FBXO34: variants seen among roughly 807,000 people sequenced by gnomAD.
The protein encoded by FBXO34 is F-box only protein 34.
A neutral mutation model predicts 24.5 loss-of-function variants in FBXO34; 12 were observed. The ratio of observed to expected loss-of-function variants is 0.49; its 90% CI spans 0.31 to 0.79. FBXO34 has a LOEUF of 0.79. FBXO34 is among the 30% of genes least tolerant of loss of function. FBXO34 has a pLI of 0.04. For synonymous variants in FBXO34, 320 were observed against 311.9 expected, an observed-to-expected ratio of 1.03 and a Z score of -0.27; for missense variants, 823 against 857.7, an observed-to-expected ratio of 0.96 and a Z score of 0.51.
In FBXO34 at chr14:55,350,433, C is replaced by G. The variant is rs759021088; in HGVS notation, c.43C>G (p.Pro15Ala). The change falls in exon 2 of 2, where the codon CCC becomes GCC. Residue 15 changes from proline to alanine, a missense_variant. Physicochemically the swap from Pro to Ala is conservative, Grantham distance 27 (BLOSUM62 -1). This residue lies in a region of FBXO34 where 693 missense variants were observed against 659.1 expected (regional missense o/e 1.05). Transcript: ENST00000313833. The part of the protein sequence containing the change: ...PYWKLQKKEH[P>A]PEVSRETQRT... ...TTGGAAGCTCCAGAAGAAAGAGCAC[C>G]CCCCGGAAGTCAGCAGGGAAACGCA... is the stretch of plus-strand genomic sequence containing the variant. 1 of 1,601,478 alleles carries G rather than the reference C, an allele frequency of 6.2e-7. No individual in the cohort carries two copies. The highest frequency in any genetic ancestry group is 8.5e-7 in the Non-Finnish European group (1 of 1,175,788).
the FBXO34 span, chr14:55,377,892 C>G: frequency 2.5e-6 from 4 of 1,605,370 alleles, no homozygotes; most frequent in Non-Finnish European, 3.4e-6. Context: ...TGTAATTGAT[C>G]TAAATTTACA....
At chr14:55,340,323 C>T (rs2140069300) in intron 1 of FBXO34, among the ~76,000 whole-genome samples, 2 of 152,216 alleles carry the variant, frequency 1.3e-5, no homozygotes, top group South Asian at 4.2e-4. Context: ...TAGCTCACTG[C>T]AACCTCTAAC....
chr14:55,290,340 C>T (rs950724240), intron 1 of FBXO34, among the ~76,000 whole-genome samples: 2 of 151,066 alleles, frequency 1.3e-5, no homozygotes, highest in Non-Finnish European at 2.9e-5. Flanking sequence ...TGCAGTGAGC[C>T]GAGATCGAGC....
intron 1 of FBXO34, among the ~76,000 whole-genome samples, chr14:55,289,742 C>G (rs1386240773): frequency 6.6e-6 from 1 of 151,986 alleles, no homozygotes; most frequent in Admixed American, 6.6e-5. Context: ...GAGACAGAGT[C>G]TTACTTTGTT....
chr14:55,436,409 TA>T, the FBXO34 span: 1 of 777,656 alleles, frequency 1.3e-6, no homozygotes, highest in Non-Finnish European at 2.0e-6. Flanking sequence ...TCAAACTGTC[TA>T]AAGCCACAAT....
chr14:55,365,081 C>T (rs1235634790), downstream of FBXO34, among the ~76,000 whole-genome samples: 1 of 143,430 alleles, frequency 7.0e-6, no homozygotes, highest in African/African-American at 2.6e-5. Flanking sequence ...AAAAAAAAGC[C>T]AGGTGTGGTG....
chr14:55,339,862 G>T (rs1883931898), intron 1 of FBXO34, among the ~76,000 whole-genome samples: 1 of 152,138 alleles, frequency 6.6e-6, no homozygotes, highest in African/African-American at 2.4e-5. Flanking sequence ...TCTTGGTTCA[G>T]CAGATCTTAG....
At chr14:55,296,948 C>T (rs945467945) in intron 1 of FBXO34, among the ~76,000 whole-genome samples, 1 of 152,096 alleles carries the variant, frequency 6.6e-6, no homozygotes, top group African/African-American at 2.4e-5. Flanking sequence ...TGGTTATCTC[C>T]AGTATATAAA....
Position 55,350,654 on chromosome 14 carries a change from A to G in FBXO34, c.264A>G (p.Lys88=). The change falls in exon 2 of 2, where the codon AAA becomes AAG. Residue 88 remains lysine, a synonymous_variant. Coordinates refer to ENST00000313833, the MANE Select transcript of FBXO34 (RefSeq NM_017943.4). ...PVESSLNVKT[K]KNAPSATIHQ... is the part of the protein sequence containing the mutation. The stretch of plus-strand genomic sequence containing the variant: ...AGAGCAGCTTGAATGTTAAAACCAA[A>G]AAGAATGCACCATCTGCAACGATCC... 1 of 1,613,932 alleles carries G rather than the reference A, an allele frequency of 6.2e-7. No individual in the cohort carries two copies. Among genetic ancestry groups the G allele is most frequent in the Admixed American group, 1.7e-5 (1 of 59,946 alleles).
chr14:55,410,226 T>G, the FBXO34 span, among the ~76,000 whole-genome samples: 2 of 152,202 alleles, frequency 1.3e-5, no homozygotes, highest in Non-Finnish European at 2.9e-5. Context: ...AAAATATTGA[T>G]GTTGAATAAG....
intron 1 of FBXO34, among the ~76,000 whole-genome samples, chr14:55,273,804 G>A (rs1467642538): frequency 6.6e-6 from 1 of 152,122 alleles, no homozygotes; most frequent in Non-Finnish European, 1.5e-5. Flanking sequence ...AGGTGTACTA[G>A]TTTTTTTGTA....
chr14:55,323,160 G>A (rs1264129321), intron 1 of FBXO34, among the ~76,000 whole-genome samples: 2 of 109,998 alleles, frequency 1.8e-5, no homozygotes, highest in East Asian at 5.7e-4. Context: ...ACTCCAGCCT[G>A]GGCGACAGAG....
At chr14:55,411,996 A>C in the FBXO34 span, 2 of 624,056 alleles carry the variant, frequency 3.2e-6, no homozygotes, top group Non-Finnish European at 5.6e-6. Flanking sequence ...GCTGAGGGGC[A>C]ACAGGTCCCG....
downstream of FBXO34, among the ~76,000 whole-genome samples, chr14:55,371,814 C>A (rs1255322834): frequency 1.6e-4 from 24 of 150,452 alleles, 1 homozygote; most frequent in East Asian, 4.1e-3. Context: ...AAAAAACAAA[C>A]AAAAAAACAA....
rs967843510 is a variant in FBXO34 at position 55,284,622 on chromosome 14, T to TC, written c.-11+13085_-11+13086insC. On this transcript the variant is annotated intron_variant, in intron 1 of 1. Coordinates refer to ENST00000313833, the MANE Select transcript of FBXO34 (RefSeq NM_017943.4). The stretch of plus-strand genomic sequence containing the variant: ...TTGTGGTTACCTAAAATTTTGTTAC[T>TC]TTTTTTTTTTTTTTTTGAAACAGGG... Among the ~76,000 whole-genome samples, 9 of 47,366 alleles carry TC rather than the reference T, an allele frequency of 1.9e-4. 2 individuals are homozygous for TC. Among genetic ancestry groups the TC allele is most frequent in the Non-Finnish European group, 3.1e-4 (8 of 25,404 alleles). The allele number at this position is 47,366 out of a possible 152,430, so 31.1% of individuals were successfully genotyped here. A position where few individuals can be genotyped will look rare whatever the true frequency, so the allele number is the denominator to read the frequency against.
the FBXO34 span, among the ~76,000 whole-genome samples, chr14:55,415,555 CAATG>C: frequency 6.6e-6 from 1 of 152,188 alleles, no homozygotes; most frequent in Non-Finnish European, 1.5e-5. Flanking sequence ...AAATGCCCGT[CAATG>C]GATGGATAAC....
chr14:55,410,458 C>T, the FBXO34 span, among the ~76,000 whole-genome samples: 771 of 152,302 alleles, frequency 5.1e-3, 5 homozygotes, highest in Middle Eastern at 0.014. Flanking sequence ...TCACTTACTA[C>T]ATAAGCAGTT....
downstream of FBXO34, among the ~76,000 whole-genome samples, chr14:55,373,008 AGGAGAGGCCCCT>A (rs999017243): frequency 9.9e-6 from 1 of 100,596 alleles, no homozygotes; most frequent in African/African-American, 3.4e-5. Flanking sequence ...ACAGAGCAGG[AGGAGAGGCCCCT>A]GCGATGTTTC....
chr14:55,393,235 C>CTTAG, the FBXO34 span, among the ~76,000 whole-genome samples: 2 of 151,500 alleles, frequency 1.3e-5, no homozygotes, highest in African/African-American at 4.8e-5. Context: ...CACAAAAAAA[C>CTTAG]TTAGCCGGGC....
Sources: gnomAD v4.1 joint callset for allele counts (sites outside exome capture counted in the v4.1 genomes callset) on GRCh38, gnomAD v4.1.1 for gene constraint, gnomAD v4.1.1 regional missense constraint, MANE v1.5 for transcripts, NCBI Gene and HGNC (gene_info 2026-07-23, HGNC 2026-07-21) for gene names.